SORCS1: variants seen among roughly 807,000 people sequenced by gnomAD.
SORCS1 encodes the protein VPS10 domain-containing receptor SorCS1.
A neutral mutation model predicts 146.1 loss-of-function variants in SORCS1; 60 were observed. The observed-to-expected ratio is 0.41, with a 90% confidence interval of 0.33 to 0.51. The LOEUF (loss-of-function observed/expected upper bound fraction) is 0.51. SORCS1 is among the 20% of genes least tolerant of loss of function. SORCS1 has a pLI of 0.21. For missense variants in SORCS1, 1,352 were observed against 1,487.6 expected (o/e 0.91, Z 1.50); for synonymous variants, 637 against 584.0 (o/e 1.09, Z -1.31).
intron 1 of SORCS1, among the ~76,000 whole-genome samples, chr10:106,976,325 G>GTTTTT (rs1554901295): frequency 0.045 from 4,058 of 90,464 alleles, 227 homozygotes; most frequent in African/African-American, 0.23. Flanking sequence ...CATCATCTAG[G>GTTTTT]TTTTTTTGTT....
chr10:106,885,208 G>T (rs1223994440), intron 2 of SORCS1, among the ~76,000 whole-genome samples: 2 of 147,072 alleles, frequency 1.4e-5, no homozygotes, highest in Non-Finnish European at 3.0e-5. Flanking sequence ...TTTTCTTCTT[G>T]CTTCTCTGTA....
chr10:106,926,824 TATATACACACACACACAC>T (rs1277399457), intron 2 of SORCS1, among the ~76,000 whole-genome samples: 1 of 14,534 alleles, frequency 6.9e-5, no homozygotes, highest in East Asian at 6.0e-4. Context: ...CTAAGGAATA[TATATACACACACACACAC>T]ACACACACAC....
chr10:106,660,749 C>CAA (rs200384139), intron 17 of SORCS1, among the ~76,000 whole-genome samples: 6 of 80,712 alleles, frequency 7.4e-5, no homozygotes, highest in Admixed American at 1.4e-4. Flanking sequence ...GACTCCGTCT[C>CAA]AAAAAAAAAA....
At chr10:106,983,655 G>A (rs1243359856) in intron 1 of SORCS1, among the ~76,000 whole-genome samples, 1 of 152,094 alleles carries the variant, frequency 6.6e-6, no homozygotes, top group Non-Finnish European at 1.5e-5. Flanking sequence ...ACCAGATTTT[G>A]CCCCTATTTT....
chr10:106,694,674 T>C (rs1853560561), intron 9 of SORCS1, among the ~76,000 whole-genome samples: 1 of 152,230 alleles, frequency 6.6e-6, no homozygotes, highest in Non-Finnish European at 1.5e-5. Flanking sequence ...TATATTATCA[T>C]AACCGTTGAG....
chr10:107,092,397 G>C (rs1964246763), intron 1 of SORCS1, among the ~76,000 whole-genome samples: 1 of 152,172 alleles, frequency 6.6e-6, no homozygotes, highest in African/African-American at 2.4e-5. Flanking sequence ...GAGTAGTATT[G>C]AGGGATAATA....
chr10:107,115,002 T>C (rs1267393764), intron 1 of SORCS1, among the ~76,000 whole-genome samples: 1 of 151,996 alleles, frequency 6.6e-6, no homozygotes, highest in East Asian at 1.9e-4. Flanking sequence ...AGATCCCATT[T>C]ACAACAGCAT....
chr10:107,168,362 G>A (rs1476691628), upstream of SORCS1, among the ~76,000 whole-genome samples: 3 of 152,120 alleles, frequency 2.0e-5, no homozygotes, highest in East Asian at 5.8e-4. Flanking sequence ...ATCTTTCTAA[G>A]CGTATATTAC....
At chr10:106,832,137 A>T (rs371928218) in intron 2 of SORCS1, among the ~76,000 whole-genome samples, 271 of 151,840 alleles carry the variant, frequency 1.8e-3, no homozygotes, top group African/African-American at 6.1e-3. Context: ...ATTCTCTAAG[A>T]AATATCGAAG....
At chr10:106,999,689 G>C (rs998353395) in intron 1 of SORCS1, among the ~76,000 whole-genome samples, 3 of 152,150 alleles carry the variant, frequency 2.0e-5, no homozygotes, top group Non-Finnish European at 4.4e-5. Context: ...AGGGACTTCT[G>C]AGCCATTCTA....
intron 1 of SORCS1, among the ~76,000 whole-genome samples, chr10:107,155,793 C>T (rs573280931): frequency 6.2e-4 from 94 of 152,254 alleles, no homozygotes; most frequent in African/African-American, 2.1e-3. Flanking sequence ...GGAAAGATGA[C>T]TAGAGGCGTC....
chr10:106,921,479 T>C (rs1345782575), intron 2 of SORCS1, among the ~76,000 whole-genome samples: 1 of 152,194 alleles, frequency 6.6e-6, no homozygotes, highest in East Asian at 1.9e-4. Context: ...CCTCTCTTAA[T>C]TCCATTTCAA....
intron 1 of SORCS1, among the ~76,000 whole-genome samples, chr10:106,968,468 G>A (rs186737283): frequency 6.4e-4 from 98 of 152,288 alleles, no homozygotes; most frequent in African/African-American, 2.1e-3. Context: ...GTGTGTTAAC[G>A]ATGAGGGGCC....
chr10:107,156,592 C>G (rs1388800557), intron 1 of SORCS1, among the ~76,000 whole-genome samples: 4 of 152,200 alleles, frequency 2.6e-5, no homozygotes, highest in African/African-American at 9.6e-5. Context: ...ACTCTCACCC[C>G]AACAGTTAGA....
chr10:106,930,917 A>C (rs745394274), intron 2 of SORCS1, among the ~76,000 whole-genome samples: 6 of 152,190 alleles, frequency 3.9e-5, no homozygotes, highest in Non-Finnish European at 5.9e-5. Flanking sequence ...AGCAGATCTC[A>C]GGGGAGTTTT....
At chr10:107,140,713 T>C (rs1181659866) in intron 1 of SORCS1, among the ~76,000 whole-genome samples, 2 of 152,262 alleles carry the variant, frequency 1.3e-5, no homozygotes, top group Non-Finnish European at 2.9e-5. Context: ...TATAGCTCTA[T>C]TGTCTCAAGA....
rs555118418 is a variant in SORCS1, at chr10:106,659,454, G to A, written c.2304-6901C>T. ...ATGGCTCACAGAATCCACTATCTGA[G>A]CCTACCAGTTGTACGACTAAGTTAA... On this transcript the variant is annotated intron_variant, in intron 17 of 25. Transcript: ENST00000263054. Among the ~76,000 whole-genome samples, 4 of 152,264 alleles carry A rather than the reference G, an allele frequency of 2.6e-5. No homozygotes were observed. In the East Asian group the frequency reaches 7.7e-4, roughly 29 times the overall value.
At position 106,730,130 on chromosome 10, in the gene SORCS1, A is replaced by T. The variant is rs914109371; in HGVS notation, c.960-16T>A. 15 of 1,613,790 alleles carry T rather than the reference A, an allele frequency of 9.3e-6. No individual in the cohort carries two copies. Among genetic ancestry groups the T allele is most frequent in the Non-Finnish European group, 1.3e-5 (15 of 1,179,828 alleles). ...CATCACAGACCTAAAAAATGGAGAAACATGAAAAGAAACATCCATATTAAT... is the reference window on the plus strand; with the variant it reads ...CATCACAGACCTAAAAAATGGAGAATCATGAAAAGAAACATCCATATTAAT... On this transcript the variant is annotated splice_polypyrimidine_tract_variant and intron_variant, in intron 5 of 25. Transcript: ENST00000263054.
intron 1 of SORCS1, among the ~76,000 whole-genome samples, chr10:107,084,262 A>ATTT (rs11342875): frequency 7.5e-6 from 1 of 133,360 alleles, no homozygotes; most frequent in African/African-American, 2.8e-5. Flanking sequence ...TACCCGGCTA[A>ATTT]TTTTTTTTTT....
Sources: gnomAD v4.1 joint callset for allele counts (sites outside exome capture counted in the v4.1 genomes callset) on GRCh38, gnomAD v4.1.1 for gene constraint, MANE v1.5 for transcripts, NCBI Gene and HGNC (gene_info 2026-07-23, HGNC 2026-07-21) for gene names.